USP9X: variants seen among roughly 807,000 people sequenced by gnomAD.
USP9X encodes ubiquitin carboxyl-terminal hydrolase 9X.
In USP9X, 7 loss-of-function variants were observed where a neutral mutation model predicts 190.3. The ratio of observed to expected loss-of-function variants is 0.04; its 90% CI spans 0.02 to 0.07. USP9X has a LOEUF of 0.07. Among genes scored for constraint, USP9X ranks in the 10% least tolerant of loss-of-function variants. The probability of loss-of-function intolerance (pLI) is 1.00; values close to 1 mark genes in which losing one functional copy is unlikely to be tolerated. For synonymous variants in USP9X, 645 were observed against 659.5 expected (o/e 0.98, Z 0.34); for missense variants, 1,010 against 1,916.9 (o/e 0.53, Z 8.83).
At chrX:41,185,761 CAG>C (rs1347761714) in intron 23 of USP9X, among the ~76,000 whole-genome samples, 1 of 110,350 alleles carries the variant, frequency 9.1e-6, no homozygotes, top group Non-Finnish European at 1.9e-5. Flanking sequence ...ATGAAGTACA[CAG>C]AAAACAATTA....
intron 21 of USP9X, among the ~76,000 whole-genome samples, chrX:41,178,826 GTAGTTT>G (rs1397010881): frequency 8.9e-6 from 1 of 112,011 alleles, no homozygotes; most frequent in Non-Finnish European, 1.9e-5. Context: ...TTTTCTTCTA[GTAGTTT>G]TATAGTTTCT....
At chrX:41,134,683 A>T (rs763029120) in intron 4 of USP9X, 42 bp from the exon 5 acceptor site, 1 of 1,112,632 alleles carries the variant, frequency 9.0e-7, no homozygotes, top group African/African-American at 1.8e-5. Flanking sequence ...AAACAACCAG[A>T]TGAACATTTT....
intron 38 of USP9X, among the ~76,000 whole-genome samples, chrX:41,220,847 C>T (rs1333825272): frequency 9.5e-6 from 1 of 105,787 alleles, no homozygotes; most frequent in Non-Finnish European, 1.9e-5. Context: ...CCCAGCTATT[C>T]GGGAGGCTGA....
intron 6 of USP9X, among the ~76,000 whole-genome samples, chrX:41,137,301 T>G (rs1426383107): frequency 9.0e-6 from 1 of 111,453 alleles, no homozygotes; most frequent in African/African-American, 3.3e-5. Flanking sequence ...AGTAGGAGAT[T>G]ACTTCTTTGA....
rs1036087695 is a variant in USP9X, at chrX:41,170,709, T to C, written c.3027+90T>C. 6 of 927,344 alleles carry C rather than the reference T, an allele frequency of 6.5e-6. No homozygotes were observed. In the African/African-American group the frequency reaches 1.2e-4, roughly 19 times the overall value. 76.4% of individuals were successfully genotyped at this position (927,344 alleles called of 1,213,427 possible). ...TATATAGAGTGGTTCTTTCTTTTCT[T>C]GAGGAGCTTACAGTTTAATGAGACA... On this transcript the variant is annotated intron_variant, in intron 20 of 44. Transcript: ENST00000378308.
intron 3 of USP9X, among the ~76,000 whole-genome samples, chrX:41,130,927 T>C (rs1432702375): frequency 1.8e-5 from 2 of 110,062 alleles, no homozygotes; most frequent in African/African-American, 3.3e-5. Flanking sequence ...CATTTCACCA[T>C]GTTGGCCAGG....
Position 41,232,450 on chromosome X carries a change from A to G in USP9X, c.7591A>G (p.Arg2531Gly). 1 of 1,211,599 alleles carries G rather than the reference A, an allele frequency of 8.3e-7. No homozygotes were observed. The highest frequency in any genetic ancestry group is 1.1e-6 in the Non-Finnish European group (1 of 895,431). The stretch of plus-strand genomic sequence containing the variant: ...AGCACATCACATGAACAACCCTCAG[A>G]GAACTGGCCAACGAGCACAAGAAAA... ...PAAHHMNNPQRTGQRAQENYE... is the reference protein window; with the variant it reads ...PAAHHMNNPQGTGQRAQENYE... Residue 2531 changes from arginine (R) to glycine (G), a missense_variant, in exon 45 of 45, where the codon AGA becomes GGA. By Grantham distance (125) the Arg-to-Gly change is moderately radical (BLOSUM62 -2). This residue lies in a region of USP9X where 48 missense variants were observed against 60.4 expected (regional missense o/e 0.79). Transcript: ENST00000378308.
At chrX:41,228,108 A>G (rs2063330622) in intron 41 of USP9X, among the ~76,000 whole-genome samples, 1 of 111,388 alleles carries the variant, frequency 9.0e-6, no homozygotes, top group Non-Finnish European at 1.9e-5. Context: ...GTCTCTGTGG[A>G]TTTGCCTCTT....
chrX:41,133,238 G>GA (rs1294539691), intron 4 of USP9X, among the ~76,000 whole-genome samples: 1 of 111,803 alleles, frequency 8.9e-6, no homozygotes, highest in African/African-American at 3.2e-5. Context: ...ATCCCAAAGT[G>GA]AAAATACAAT....
In USP9X at chrX:41,141,081, AAAG is replaced by A; in HGVS notation, c.890_892del (p.Glu297del). On this transcript the variant is annotated inframe_deletion, in exon 8 of 45. Transcript: ENST00000378308. ...AAACTTAACTGATGAAGAACTGAAA[AAAG>A]AAGCAAAGAATGAAGCCAAAAATGA... 1.7e-6 allele frequency: 2 copies of A among 1,206,988 alleles called. No individual in the cohort carries two copies. Among genetic ancestry groups the A allele is most frequent in the Non-Finnish European group, 2.2e-6 (2 of 892,950 alleles).
chrX:41,157,587 C>G (rs1436368506), intron 14 of USP9X, among the ~76,000 whole-genome samples: 1 of 111,290 alleles, frequency 9.0e-6, no homozygotes, highest in Non-Finnish European at 1.9e-5. Context: ...AGCCATAGCC[C>G]TTATTTCCCA....
chrX:41,117,515 A>G (rs765481485), intron 1 of USP9X, among the ~76,000 whole-genome samples: 6 of 109,983 alleles, frequency 5.5e-5, no homozygotes, highest in African/African-American at 1.7e-4. Context: ...TACTCTATAT[A>G]TACAATTTTA....
rs1440836280 is a variant in USP9X, at chrX:41,177,029, C to T, written c.3148+5071C>T. On this transcript the variant is annotated intron_variant, in intron 21 of 44. Coordinates refer to ENST00000378308, the MANE Select transcript of USP9X (RefSeq NM_001039591.3). ...CCAAATTCAGTAATTAACAGTTTGC[C>T]GTAGTGATGGCAAAAGTTTCCTAAC... is the stretch of plus-strand genomic sequence containing the variant. 6.3e-5 allele frequency among the ~76,000 whole-genome samples: 7 copies of T among 111,973 alleles called. No homozygotes were observed. In the South Asian group the frequency reaches 1.8e-3, roughly 29 times the overall value.
intron 21 of USP9X, among the ~76,000 whole-genome samples, chrX:41,173,648 A>G (rs1373037007): frequency 8.9e-6 from 1 of 111,917 alleles, no homozygotes; most frequent in Non-Finnish European, 1.9e-5. Context: ...GACTCTATTG[A>G]GTGTTTTCAG....
At chrX:41,137,097 AT>A (rs1266238000) in intron 6 of USP9X, 75 bp downstream of exon 6, 2 of 941,406 alleles carry the variant, frequency 2.1e-6, no homozygotes, top group Non-Finnish European at 2.9e-6. Flanking sequence ...AGTGATCTGT[AT>A]TTAAAGTGTG....
chrX:41,181,077 A>C (rs1770194791), intron 21 of USP9X, among the ~76,000 whole-genome samples: 2 of 110,558 alleles, frequency 1.8e-5, no homozygotes, highest in African/African-American at 6.6e-5. Flanking sequence ...GTTAAACTTA[A>C]AACTTCTGCA....
At chrX:41,181,784 A>C (rs897129622) in intron 21 of USP9X, among the ~76,000 whole-genome samples, 24 of 109,853 alleles carry the variant, frequency 2.2e-4, no homozygotes, top group Admixed American at 1.2e-3. Flanking sequence ...TTTTGTAGTG[A>C]TGGGGGTCTT....
chrX:41,138,967 A>T (rs1443918037), intron 6 of USP9X, among the ~76,000 whole-genome samples: 1 of 112,658 alleles, frequency 8.9e-6, no homozygotes, highest in East Asian at 2.8e-4. Flanking sequence ...CAGCTGCTGA[A>T]GCTAGCCTAT....
At chrX:41,086,868 C>A (rs1036907392) in intron 1 of USP9X, among the ~76,000 whole-genome samples, 2 of 112,682 alleles carry the variant, frequency 1.8e-5, no homozygotes, top group Non-Finnish European at 1.9e-5. Context: ...ATCAGGTCTT[C>A]AGATTCTTGT....
Sources: gnomAD v4.1 joint callset for allele counts (sites outside exome capture counted in the v4.1 genomes callset) on GRCh38, gnomAD v4.1.1 for gene constraint, gnomAD v4.1.1 regional missense constraint, MANE v1.5 for transcripts, NCBI Gene and HGNC (gene_info 2026-07-23, HGNC 2026-07-21) for gene names.